PRPSAP1: variants seen among roughly 807,000 people sequenced by gnomAD.
PRPSAP1 encodes phosphoribosyl pyrophosphate synthase-associated protein 1.
Under a neutral mutation model 39.4 loss-of-function variants are expected in PRPSAP1, and 31 were observed. The observed-to-expected ratio is 0.79, with a 90% CI of 0.59 to 1.06. The LOEUF is 1.06. Among genes scored for constraint, PRPSAP1 ranks in the 50% least tolerant of loss-of-function variants. The pLI is 0.00. For synonymous variants in PRPSAP1, 212 were observed against 192.6 expected, an observed-to-expected ratio of 1.10 and a Z score of -0.83; for missense variants, 430 against 511.6, an observed-to-expected ratio of 0.84 and a Z score of 1.54.
rs2071047001 is a variant in PRPSAP1 at position 76,309,577 on chromosome 17, T to C, written c.*1965A>G. ...AGAACCTATGAATGTGTGCCATGCATGGCCAGCCTCCTCCGTGAGCTCTGC... is the reference window on the plus strand; with the variant it reads ...AGAACCTATGAATGTGTGCCATGCACGGCCAGCCTCCTCCGTGAGCTCTGC... On this transcript the variant is annotated 3_prime_UTR_variant, in exon 10 of 10. Coordinates refer to ENST00000446526, the MANE Select transcript of PRPSAP1 (RefSeq NM_002766.3). 6.6e-6 allele frequency: 1 copy of C among 152,220 alleles called. No individual in the cohort carries two copies. Among genetic ancestry groups the C allele is most frequent in the Non-Finnish European group, 1.5e-5 (1 of 68,054 alleles). The allele number at this position is 152,220 out of a possible 1,614,324, so 9.4% of individuals were successfully genotyped here.
chr17:76,348,501 T>G, intron 2 of PRPSAP1, 28 bp downstream of exon 2: 3 of 1,337,398 alleles, frequency 2.2e-6, no homozygotes, highest in Non-Finnish European at 2.9e-6. Context: ...AAAAATAATT[T>G]TAAAAAAAAG....
intron 6 of PRPSAP1, among the ~76,000 whole-genome samples, chr17:76,329,456 C>T (rs759452471): frequency 3.3e-5 from 5 of 152,142 alleles, no homozygotes; most frequent in Middle Eastern, 3.2e-3. Flanking sequence ...TTGCCTGGGC[C>T]GGGCACAGTG....
chr17:76,337,679 C>T (rs1298109547), intron 3 of PRPSAP1, among the ~76,000 whole-genome samples: 1 of 152,208 alleles, frequency 6.6e-6, no homozygotes, highest in Non-Finnish European at 1.5e-5. Flanking sequence ...CATCTTGGCT[C>T]ACTGCAACCT....
intron 7 of PRPSAP1, among the ~76,000 whole-genome samples, chr17:76,324,002 C>T (rs1374031245): frequency 1.3e-5 from 2 of 150,310 alleles, no homozygotes; most frequent in Non-Finnish European, 3.0e-5. Flanking sequence ...AAAAATTAGG[C>T]GGGTGTGGTG....
chr17:76,349,666 C>A (rs1189157526), intron 1 of PRPSAP1, among the ~76,000 whole-genome samples: 1 of 150,484 alleles, frequency 6.6e-6, no homozygotes, highest in South Asian at 2.1e-4. Context: ...GAGGCTGAGA[C>A]AGGAGAATTG....
At chr17:76,342,853 G>A (rs944691235) in intron 3 of PRPSAP1, among the ~76,000 whole-genome samples, 4 of 151,490 alleles carry the variant, frequency 2.6e-5, no homozygotes, top group African/African-American at 9.7e-5. Flanking sequence ...TGAGGCAGGC[G>A]GATCACTTGA....
At chr17:76,336,975 T>C (rs1011597781) in intron 3 of PRPSAP1, among the ~76,000 whole-genome samples, 1 of 152,202 alleles carries the variant, frequency 6.6e-6, no homozygotes, top group Non-Finnish European at 1.5e-5. Flanking sequence ...GGAAATCGGC[T>C]GGCAGTCTCT....
At chr17:76,345,117 C>T (rs956557460) in intron 2 of PRPSAP1, among the ~76,000 whole-genome samples, 8 of 151,282 alleles carry the variant, frequency 5.3e-5, no homozygotes, top group African/African-American at 1.5e-4. Flanking sequence ...TGCCTGTAGT[C>T]CCAGCTACTC....
chr17:76,329,881 A>G (rs577909169), intron 6 of PRPSAP1, among the ~76,000 whole-genome samples, 162 bp downstream of exon 6: 2 of 152,272 alleles, frequency 1.3e-5, no homozygotes, highest in Admixed American at 6.5e-5. Context: ...GAGGCTGGAG[A>G]TAAAGCTGTG....
chr17:76,325,887 T>G (rs2071251255), intron 7 of PRPSAP1, among the ~76,000 whole-genome samples: 4 of 152,250 alleles, frequency 2.6e-5, no homozygotes, highest in Admixed American at 2.6e-4. Flanking sequence ...ATTACAGGCC[T>G]GAGCCATTGC....
At position 76,332,346 on chromosome 17, in the gene PRPSAP1, T is replaced by G; in HGVS notation, c.380A>C (p.Tyr127Ser). 1 of 1,614,152 alleles carries G rather than the reference T, an allele frequency of 6.2e-7. No individual in the cohort carries two copies. Among genetic ancestry groups the G allele is most frequent in the Admixed American group, 1.7e-5 (1 of 60,004 alleles). ...CTTGCTCTGCTTGCTGTAGGGGAAG[T>G]AGGGGATGACCCCAATAATGTTCCT... is the stretch of plus-strand genomic sequence containing the variant. ...CARNIIGVIP[Y>S]FPYSKQSKMR... The change falls in exon 4 of 10, where the codon TAC (tyrosine) becomes TCC (serine). Residue 127 changes from tyrosine to serine, a missense_variant. Transcript: ENST00000446526.
In PRPSAP1 at chr17:76,335,430, A is replaced by C. The variant is rs371444663; in HGVS notation, c.291-2995T>G. ...GAGTGTAATGGTGCGATCTCAGCTC[A>C]CTGCAACCTCTGCCTCCTGGGTTCA... On this transcript the variant is annotated intron_variant, in intron 3 of 9. Coordinates refer to ENST00000446526, the MANE Select transcript of PRPSAP1 (RefSeq NM_002766.3). Among the ~76,000 whole-genome samples, 14 of 152,114 alleles carry C rather than the reference A, an allele frequency of 9.2e-5. No homozygotes were observed. In the East Asian group the frequency reaches 2.5e-3, roughly 27 times the overall value.
intron 3 of PRPSAP1, among the ~76,000 whole-genome samples, chr17:76,340,423 T>C (rs775191690): frequency 6.6e-6 from 1 of 151,820 alleles, no homozygotes; most frequent in African/African-American, 2.4e-5. Context: ...GATCCTTTGT[T>C]TGTCAAGTTC....
intron 2 of PRPSAP1, 132 bp from the exon 3 acceptor site, chr17:76,344,869 G>A (rs1039988472): frequency 7.9e-5 from 48 of 607,284 alleles, no homozygotes; most frequent in African/African-American, 2.4e-4. Flanking sequence ...GGAGGGCTGA[G>A]GAAAGCAGAT....
At chr17:76,344,877 G>T in intron 2 of PRPSAP1, 140 bp from the exon 3 acceptor site, 1 of 589,874 alleles carries the variant, frequency 1.7e-6, no homozygotes, top group Non-Finnish European at 3.0e-6. Context: ...GAGGAAAGCA[G>T]ATCACTTGAG....
intron 5 of PRPSAP1, 200 bp downstream of exon 5, chr17:76,330,351 C>T (rs139789137): frequency 6.5e-5 from 39 of 596,284 alleles, no homozygotes; most frequent in African/African-American, 1.5e-4. Context: ...GCTAAAGATA[C>T]GTAGAAAAAA....
At chr17:76,342,846 G>A (rs555880045) in intron 3 of PRPSAP1, among the ~76,000 whole-genome samples, 5 of 152,192 alleles carry the variant, frequency 3.3e-5, no homozygotes, top group African/African-American at 1.2e-4. Context: ...AGGAGGCTGA[G>A]GCAGGCGGAT....
chr17:76,341,940 A>C (rs1008390547), intron 3 of PRPSAP1, among the ~76,000 whole-genome samples: 2 of 152,192 alleles, frequency 1.3e-5, no homozygotes, highest in African/African-American at 2.4e-5. Flanking sequence ...CTCCGTCTAA[A>C]AATAAAAGAT....
At chr17:76,337,590 G>A (rs1218459610) in intron 3 of PRPSAP1, among the ~76,000 whole-genome samples, 1 of 152,108 alleles carries the variant, frequency 6.6e-6, no homozygotes, top group African/African-American at 2.4e-5. Flanking sequence ...ATCATCTGCA[G>A]CAGCTGGGAA....
Sources: gnomAD v4.1 joint callset for allele counts (sites outside exome capture counted in the v4.1 genomes callset) on GRCh38, gnomAD v4.1.1 for gene constraint, MANE v1.5 for transcripts, NCBI Gene and HGNC (gene_info 2026-07-23, HGNC 2026-07-21) for gene names.